Variants in ZNF160 observed in about 807,000 individuals in gnomAD.
ZNF160 encodes KRAB zinc finger protein KR18.
ZNF160 carries 9 observed loss-of-function variants against 13.1 expected under a neutral mutation model. The ratio of observed to expected loss-of-function variants is 0.69; its 90% CI spans 0.41 to 1.20. The LOEUF is 1.20. Among genes scored for constraint, ZNF160 ranks in the 50% most tolerant of loss-of-function variants. The pLI is 0.01. For synonymous variants in ZNF160, 293 were observed against 333.2 expected (o/e 0.88, Z 1.31); for missense variants, 838 against 988.0 (o/e 0.85, Z 2.04).
chr19:53,084,213 C>T (rs559363058), intron 3 of ZNF160, among the ~76,000 whole-genome samples: 3 of 152,242 alleles, frequency 2.0e-5, no homozygotes, highest in African/African-American at 7.2e-5. Flanking sequence ...GCTGCCAGCT[C>T]AACCCCCTGG....
intron 3 of ZNF160, among the ~76,000 whole-genome samples, chr19:53,081,497 C>G (rs1451421221): frequency 1.3e-5 from 2 of 152,008 alleles, no homozygotes; most frequent in Non-Finnish European, 2.9e-5. Context: ...TATTGGCCAA[C>G]AAGCGTATGA....
Position 53,075,774 on chromosome 19 carries a change from C to T in ZNF160, c.16-591G>A, listed in dbSNP as rs781715521. ...TAAGTGTTTCCCTGTGTTATGTGAG[C>T]CACTCAAGCAAACTAATCAATTTCA... On this transcript the variant is annotated intron_variant, in intron 3 of 5. Transcript: ENST00000683776. 6 of 518,828 alleles carry T rather than the reference C, an allele frequency of 1.2e-5. 1 individual carries two copies. Among genetic ancestry groups the T allele is most frequent in the South Asian group, 8.4e-5 (6 of 71,582 alleles). The allele number at this position is 518,828 out of a possible 1,614,324, so 32.1% of individuals were successfully genotyped here. A position where few individuals can be genotyped will look rare whatever the true frequency, so the allele number is the denominator to read the frequency against.
chr19:53,097,572 C>A (rs563676606), intron 1 of ZNF160, among the ~76,000 whole-genome samples: 1 of 152,160 alleles, frequency 6.6e-6, no homozygotes, highest in Admixed American at 6.5e-5. Flanking sequence ...CCCAGGGCAA[C>A]GTATTTCCAC....
chr19:53,095,783 AAG>A (rs1463058657), intron 1 of ZNF160: 2 of 124,468 alleles, frequency 1.6e-5, no homozygotes, highest in Non-Finnish European at 3.7e-5. Context: ...ACAATTATAA[AAG>A]AGTCACGTTA....
intron 1 of ZNF160, among the ~76,000 whole-genome samples, chr19:53,100,196 A>G (rs1361757008): frequency 6.6e-6 from 1 of 152,244 alleles, no homozygotes; most frequent in Non-Finnish European, 1.5e-5. Flanking sequence ...GAGTCAATCC[A>G]GCCCATCTTT....
At chr19:53,098,813 G>A (rs11673565) in intron 1 of ZNF160, among the ~76,000 whole-genome samples, 18,161 of 144,210 alleles carry the variant, frequency 0.13, 5 homozygotes, top group East Asian at 0.18. Context: ...CGGAAGACCC[G>A]GGAGCTGGAG....
intron 5 of ZNF160, among the ~76,000 whole-genome samples, chr19:53,071,320 G>A (rs576231126): frequency 1.3e-5 from 2 of 152,194 alleles, no homozygotes; most frequent in Admixed American, 1.3e-4. Context: ...GGAGGCCGAG[G>A]CGGGTGGATC....
rs200398745 is a variant in ZNF160 at position 53,068,946 on chromosome 19, T to C, written c.1588A>G (p.Ile530Val). The change falls in exon 6 of 6, where the codon ATC (isoleucine) becomes GTC (valine). Residue 530 changes from isoleucine to valine, a missense_variant. By Grantham distance (29) the Ile-to-Val change is conservative. This residue lies in a region of ZNF160 where 400 missense variants were observed against 538.9 expected (regional missense o/e 0.74). Coordinates refer to ENST00000683776, the MANE Select transcript of ZNF160 (RefSeq NM_001322131.2). ...VRSSLTTHQAIHSGEKPYKCI... is the reference protein window; with the variant it reads ...VRSSLTTHQAVHSGEKPYKCI... ...TTGTAAGGTTTCTCTCCAGAATGGATTGCCTGATGGGTAGTCAGACTTGAA... is the reference window on the plus strand; with the variant it reads ...TTGTAAGGTTTCTCTCCAGAATGGACTGCCTGATGGGTAGTCAGACTTGAA... The C allele has an allele frequency of 2.2e-5, 35 of 1,613,868 alleles. No individual in the cohort carries two copies. The highest frequency in any genetic ancestry group is 8.3e-5 in the Admixed American group (5 of 59,982).
chr19:53,070,258 G>A lies in ZNF160; in HGVS notation c.276C>T (p.Ile92=), dbSNP rs747156502. 3.2e-6 allele frequency: 5 copies of A among 1,581,284 alleles called. No individual in the cohort carries two copies. Among genetic ancestry groups the A allele is most frequent in the East Asian group, 4.5e-5 (2 of 44,468 alleles). The change falls in exon 6 of 6, where the codon ATC becomes ATT. Residue 92 remains isoleucine, a synonymous_variant. Transcript: ENST00000683776. ...PECVKGVVTD[I]PPKCTIKDLL... ...AATCCTTGATTGTACATTTAGGAGG[G>A]ATATCTACAAGATATAAAGAACCAC...
rs769856276 is a variant in ZNF160, at chr19:53,068,973, G to A, written c.1561C>T (p.Arg521Cys). 4.3e-6 allele frequency: 7 copies of A among 1,613,366 alleles called. No homozygotes were observed. The highest frequency in any genetic ancestry group is 4.0e-5 in the African/African-American group (3 of 74,694). ...GCCTGATGGGTAGTCAGACTTGAAC[G>A]AACACTGAAGGCTTTCCCACACTCA... ...CNECGKAFSVRSSLTTHQAIH... is the reference protein window; with the variant it reads ...CNECGKAFSVCSSLTTHQAIH... The change falls in exon 6 of 6, where the codon CGT (arginine) becomes TGT (cysteine). Residue 521 changes from arginine (R) to cysteine (C), a missense_variant. Physicochemically the swap from Arg to Cys is radical, Grantham distance 180. This residue lies in a region of ZNF160 where 400 missense variants were observed against 538.9 expected (regional missense o/e 0.74). Coordinates refer to ENST00000683776, the MANE Select transcript of ZNF160 (RefSeq NM_001322131.2).
At chr19:53,101,823 C>A (rs980135735) in intron 1 of ZNF160, among the ~76,000 whole-genome samples, 1 of 152,316 alleles carries the variant, frequency 6.6e-6, no homozygotes. Context: ...GTAAAATGCA[C>A]AAGCCTTTTA....
chr19:53,077,054 A>G (rs1221180113), intron 3 of ZNF160: 2 of 152,216 alleles, frequency 1.3e-5, no homozygotes, highest in Non-Finnish European at 2.9e-5. Flanking sequence ...AGCTACTGAG[A>G]ACAAAGCCAT....
intron 1 of ZNF160, chr19:53,093,633 C>G (rs1208455001): frequency 6.6e-6 from 1 of 151,910 alleles, no homozygotes; most frequent in African/African-American, 2.4e-5. Flanking sequence ...ATAGTAAGAC[C>G]CCATCTATAC....
rs554505476 is a variant in ZNF160 at position 53,092,678 on chromosome 19, G to A, written c.-353-958C>T. Among the ~76,000 whole-genome samples the A allele has an allele frequency of 3.3e-4, 50 of 152,208 alleles. 1 individual carries two copies. Among genetic ancestry groups the A allele is most frequent in the Admixed American group, 6.5e-4 (10 of 15,284 alleles). On this transcript the variant is annotated intron_variant, in intron 1 of 5. Coordinates refer to ENST00000683776, the MANE Select transcript of ZNF160 (RefSeq NM_001322131.2). ...AGATTATCAAATATTAAATGGCATCGTATCTACTAGCAATAATTTTATGGC... is the reference window on the plus strand; with the variant it reads ...AGATTATCAAATATTAAATGGCATCATATCTACTAGCAATAATTTTATGGC...
At position 53,067,897 on chromosome 19, in the gene ZNF160, GC is replaced by G. The variant is rs1449970090; in HGVS notation, c.*179del. ...ATCTTGATGCCTAGTAACCTGCGAG[GC>G]CTGGATAGACCCTCTGCCACATATG... On this transcript the variant is annotated 3_prime_UTR_variant, in exon 6 of 6. Transcript: ENST00000683776. 5.2e-6 allele frequency: 4 copies of G among 773,648 alleles called. No individual in the cohort carries two copies. The African/African-American group carries it at 5.2e-5, about 10-fold the overall frequency. The allele number at this position is 773,648 out of a possible 1,614,324, so 47.9% of individuals were successfully genotyped here.
rs1411629949 is a variant in ZNF160 at position 53,068,341 on chromosome 19, T to C, written c.2193A>G (p.Lys731=). ...TTHQAIHTGK[K]PYKCNECGKV... ...TGCCACATTCATTACATTTGTAAGG[T>C]TTTTTCCCAGTATGGATTGCCTGAT... is the stretch of plus-strand genomic sequence containing the variant. The change falls in exon 6 of 6, where the codon AAA becomes AAG. Residue 731 remains lysine (K), a synonymous_variant. Coordinates refer to ENST00000683776, the MANE Select transcript of ZNF160 (RefSeq NM_001322131.2). The C allele has an allele frequency of 4.3e-6, 7 of 1,613,878 alleles. No homozygotes were observed. Among genetic ancestry groups the C allele is most frequent in the African/African-American group, 1.3e-5 (1 of 74,900 alleles).
At chr19:53,087,562 T>G (rs911689993) in intron 2 of ZNF160, among the ~76,000 whole-genome samples, 3 of 151,976 alleles carry the variant, frequency 2.0e-5, no homozygotes, top group Non-Finnish European at 4.4e-5. Context: ...ATTAATTAAT[T>G]AATTTTTGAG....
chr19:53,086,484 C>T (rs1404291937), intron 2 of ZNF160, 163 bp from the exon 3 acceptor site: 6 of 214,808 alleles, frequency 2.8e-5, no homozygotes, highest in South Asian at 1.6e-4. Flanking sequence ...AGGGGGAATA[C>T]GGGGACGAGA....
intron 2 of ZNF160, among the ~76,000 whole-genome samples, chr19:53,089,787 A>G (rs7258975): frequency 0.65 from 97,704 of 150,990 alleles, 31,734 homozygotes; most frequent in Admixed American, 0.73. Flanking sequence ...CTCATTCTGT[A>G]CATATCTCAT....
Sources: gnomAD v4.1 joint callset for allele counts (sites outside exome capture counted in the v4.1 genomes callset) on GRCh38, gnomAD v4.1.1 for gene constraint, gnomAD v4.1.1 regional missense constraint, MANE v1.5 for transcripts, NCBI Gene and HGNC (gene_info 2026-07-23, HGNC 2026-07-21) for gene names.